The following ITGA6 variants were observed in gnomAD, a reference collection of about 807,000 sequenced individuals.
The protein encoded by ITGA6 is integrin alpha-6.
In ITGA6, 63 loss-of-function variants were observed where a neutral mutation model predicts 133.6. The ratio of observed to expected loss-of-function variants is 0.47; its 90% CI spans 0.38 to 0.58. ITGA6 has a LOEUF of 0.58. ITGA6 is among the 20% of genes least tolerant of loss of function. The probability of loss-of-function intolerance (pLI) is 0.00; values close to 1 mark genes in which losing one functional copy is unlikely to be tolerated. For missense variants in ITGA6, 1,068 were observed against 1,309.4 expected (o/e 0.82, Z 2.85); for synonymous variants, 434 against 482.0 (o/e 0.90, Z 1.30).
Position 172,506,006 on chromosome 2 carries a change from CAACAAAGA to C in ITGA6, c.*1947_*1954del, listed in dbSNP as rs1245555114. 6.6e-6 allele frequency: 1 copy of C among 152,394 alleles called. No individual in the cohort carries two copies. Among genetic ancestry groups the C allele is most frequent in the African/African-American group, 2.4e-5 (1 of 41,364 alleles). The allele number at this position is 152,394 out of a possible 1,614,324, so 9.4% of individuals were successfully genotyped here. On this transcript the variant is annotated 3_prime_UTR_variant, in exon 26 of 26. Coordinates refer to ENST00000684293, the MANE Select transcript of ITGA6 (RefSeq NM_000210.4). ...TGAAAAGGGTGTTGGGAGGGTGGTT[CAACAAAGA>C]AACAAAGATGTTATGGTGTTTAGAT...
In ITGA6 at chr2:172,506,186, T is replaced by TAAAAGTGTTCATTGTTTCGTAACACAG. The variant is rs1553544906; in HGVS notation, c.*2119_*2145dup. The TAAAAGTGTTCATTGTTTCGTAACACAG allele has an allele frequency of 3.3e-5, 5 of 152,670 alleles. No individual in the cohort carries two copies. Among genetic ancestry groups the TAAAAGTGTTCATTGTTTCGTAACACAG allele is most frequent in the African/African-American group, 1.2e-4 (5 of 41,472 alleles). 9.5% of individuals were successfully genotyped at this position (152,670 alleles called of 1,614,324 possible). On this transcript the variant is annotated 3_prime_UTR_variant, in exon 26 of 26. Coordinates refer to ENST00000684293, the MANE Select transcript of ITGA6 (RefSeq NM_000210.4). ...ATAAAAGTGTGAAATAAATTTTTTA[T>TAAAAGTGTTCATTGTTTCGTAACACAG]AAAAGTGTTCATTGTTTCGTAACAC...
chr2:172,482,061 T>C (rs1301117022), intron 11 of ITGA6, among the ~76,000 whole-genome samples: 1 of 152,214 alleles, frequency 6.6e-6, no homozygotes, highest in East Asian at 1.9e-4. Flanking sequence ...CACTCTCAGT[T>C]TGACTGTAGA....
chr2:172,487,243 T>G, intron 14 of ITGA6, 21 bp from the exon 15 acceptor site: 1 of 1,603,350 alleles, frequency 6.2e-7, no homozygotes, highest in South Asian at 1.1e-5. Context: ...CTTTTTGTTC[T>G]TGTTTTCTTA....
intron 23 of ITGA6, among the ~76,000 whole-genome samples, chr2:172,497,761 C>G (rs1406158379): frequency 6.6e-6 from 1 of 152,068 alleles, no homozygotes; most frequent in Non-Finnish European, 1.5e-5. Context: ...AGAATACAAC[C>G]CAGCATTTTC....
In ITGA6 at chr2:172,487,530, G is replaced by C. The variant is rs377682187; in HGVS notation, c.2161-17G>C. The C allele has an allele frequency of 6.2e-7, 1 of 1,612,450 alleles. No homozygotes were observed. The highest frequency in any genetic ancestry group is 1.1e-5 in the South Asian group (1 of 91,052). On this transcript the variant is annotated splice_polypyrimidine_tract_variant and intron_variant, in intron 15 of 25. Coordinates refer to ENST00000684293, the MANE Select transcript of ITGA6 (RefSeq NM_000210.4). ...GCAAATGAGTGGATTGTGACCTAGC[G>C]TGTGTTTCTTTTACAGGAGAAACAG...
chr2:172,478,261 C>G (rs1686266021), intron 9 of ITGA6, among the ~76,000 whole-genome samples: 2 of 152,204 alleles, frequency 1.3e-5, no homozygotes, highest in Non-Finnish European at 1.5e-5. Flanking sequence ...TTATTGGACC[C>G]TACCTTCACT....
At chr2:172,461,392 T>C (rs534803026) in intron 1 of ITGA6, among the ~76,000 whole-genome samples, 2 of 152,224 alleles carry the variant, frequency 1.3e-5, no homozygotes, top group Non-Finnish European at 2.9e-5. Context: ...TGAAATGATC[T>C]TAGTTCACAC....
At chr2:172,430,190 T>C (rs1320420384) in intron 1 of ITGA6, among the ~76,000 whole-genome samples, 2 of 152,200 alleles carry the variant, frequency 1.3e-5, no homozygotes, top group African/African-American at 4.8e-5. Context: ...TTATGAGGAT[T>C]AAGAGATAAT....
chr2:172,465,116 T>C, intron 1 of ITGA6: 1 of 256,910 alleles, frequency 3.9e-6, no homozygotes, highest in Middle Eastern at 1.4e-3. Flanking sequence ...GAAACTGACA[T>C]ATTATTGCTT....
rs757126570 is a variant in ITGA6 at position 172,451,649 on chromosome 2, TG to T, written c.183-13888del. Among the ~76,000 whole-genome samples the T allele has an allele frequency of 3.9e-5, 6 of 152,094 alleles. No homozygotes were observed. In the East Asian group the frequency reaches 5.8e-4, roughly 15 times the overall value. ...GTTTTGAGAGTTATCAGTGAATGGA[TG>T]GTGTTTCCAGCCACAGGATGAGAGC... On this transcript the variant is annotated intron_variant, in intron 1 of 25. Coordinates refer to ENST00000684293, the MANE Select transcript of ITGA6 (RefSeq NM_000210.4).
chr2:172,497,943 G>A (rs566582246), intron 23 of ITGA6, 32 bp from the exon 24 acceptor site: 1 of 1,613,014 alleles, frequency 6.2e-7, no homozygotes, highest in African/African-American at 1.3e-5. Context: ...GCCGCTGTAT[G>A]TAGTAATGCT....
At chr2:172,465,720 A>C (rs1559133471) in intron 2 of ITGA6, 57 bp downstream of exon 2, 1 of 1,610,464 alleles carries the variant, frequency 6.2e-7, no homozygotes. Flanking sequence ...TACTGTTTCC[A>C]TGAGGGAGGA....
chr2:172,474,766 T>C (rs1686092285), intron 6 of ITGA6, among the ~76,000 whole-genome samples, 163 bp from the exon 7 acceptor site: 1 of 152,228 alleles, frequency 6.6e-6, no homozygotes. Flanking sequence ...CTTGGGGCGT[T>C]TATTATAGGC....
At position 172,427,621 on chromosome 2, in the gene ITGA6, G is replaced by C. The variant is rs566072397; in HGVS notation, c.-168G>C. On this transcript the variant is annotated 5_prime_UTR_variant, in exon 1 of 26. Coordinates refer to ENST00000684293, the MANE Select transcript of ITGA6 (RefSeq NM_000210.4). Reference sequence around the variant, plus strand: ...TTCAGCGGTCGCGAGCTGCCCGCGAGGGGGAGCGGCCGGACGGAGAGCGCG... The same window carrying C: ...TTCAGCGGTCGCGAGCTGCCCGCGACGGGGAGCGGCCGGACGGAGAGCGCG... 1.0e-5 allele frequency: 13 copies of C among 1,281,208 alleles called. No individual in the cohort carries two copies. Among genetic ancestry groups the C allele is most frequent in the African/African-American group, 4.7e-5 (3 of 63,942 alleles). The allele number at this position is 1,281,208 out of a possible 1,614,324, so 79.4% of individuals were successfully genotyped here.
At chr2:172,456,161 G>A (rs962896266) in intron 1 of ITGA6, among the ~76,000 whole-genome samples, 4 of 152,218 alleles carry the variant, frequency 2.6e-5, no homozygotes, top group African/African-American at 9.6e-5. Flanking sequence ...TGCAGCCAGA[G>A]GAGAGACAGT....
In ITGA6 at chr2:172,506,240, A is replaced by G. The variant is rs140058200; in HGVS notation, c.*2172A>G. 120 of 152,738 alleles carry G rather than the reference A, an allele frequency of 7.9e-4. No individual in the cohort carries two copies. The highest frequency in any genetic ancestry group is 2.8e-3 in the African/African-American group (118 of 41,548). The allele number at this position is 152,738 out of a possible 1,614,324, so 9.5% of individuals were successfully genotyped here. On this transcript the variant is annotated 3_prime_UTR_variant, in exon 26 of 26. Transcript: ENST00000684293. ...ATTGTATATGTGAAGCAAACTCTAAAATTATAAATGACAACCTGAATTATC... is the reference window on the plus strand; with the variant it reads ...ATTGTATATGTGAAGCAAACTCTAAGATTATAAATGACAACCTGAATTATC...
rs1687504633 is a variant in ITGA6, at chr2:172,505,134, C to T, written c.*1066C>T. 1 of 152,520 alleles carries T rather than the reference C, an allele frequency of 6.6e-6. No homozygotes were observed. The highest frequency in any genetic ancestry group is 6.5e-5 in the Admixed American group (1 of 15,268). The allele number at this position is 152,520 out of a possible 1,614,324, so 9.4% of individuals were successfully genotyped here. A position where few individuals can be genotyped will look rare whatever the true frequency, so the allele number is the denominator to read the frequency against. On this transcript the variant is annotated 3_prime_UTR_variant, in exon 26 of 26. Transcript: ENST00000684293. ...TTCATGACAGCCTCCACCCCACAAC[C>T]CAAAAGGTTTAAGAAATAGAATTAT...
intron 1 of ITGA6, among the ~76,000 whole-genome samples, chr2:172,432,179 ACT>A (rs1356752407): frequency 6.6e-6 from 1 of 152,170 alleles, no homozygotes; most frequent in African/African-American, 2.4e-5. Context: ...TGCCTGAAAC[ACT>A]GATTTAGTGC....
rs1481218056 is a variant in ITGA6, at chr2:172,487,042, G to T, written c.1874G>T (p.Gly625Val). The stretch of plus-strand genomic sequence containing the variant: ...CTACAGGTTCACTTCTTAAAAGAGG[G>T]ATGTGGAGACGACAATGTATGTAAC... The part of the protein sequence containing the change: ...AHIDVHFLKE[G>V]CGDDNVCNSN... Residue 625 changes from glycine (G) to valine (V), a missense_variant, in exon 14 of 26, where the codon GGA becomes GTA. By Grantham distance (109) the Gly-to-Val change is moderately radical. Around this residue, in one of 3 missense-constraint regions of ITGA6, gnomAD observed 609 missense variants for 707.2 expected, o/e 0.86. Coordinates refer to ENST00000684293, the MANE Select transcript of ITGA6 (RefSeq NM_000210.4). 4.4e-6 allele frequency: 7 copies of T among 1,607,404 alleles called. No individual in the cohort carries two copies.
Sources: allele counts gnomAD v4.1 joint callset (sites outside exome capture counted in the v4.1 genomes callset), GRCh38; gene constraint gnomAD v4.1.1; regional missense constraint gnomAD v4.1.1; transcripts MANE v1.5; gene names NCBI Gene and HGNC (gene_info 2026-07-23, HGNC 2026-07-21).